Variants in BPNT2 observed in about 807,000 individuals in gnomAD.
BPNT2 encodes 3'(2'), 5'-bisphosphate nucleotidase 2, also known as Golgi-resident adenosine 3',5'-bisphosphate 3'-phosphatase.
Under a neutral mutation model 29.3 loss-of-function variants are expected in BPNT2, and 11 were observed. The observed-to-expected ratio is 0.38, with a 90% CI of 0.24 to 0.62. The LOEUF (loss-of-function observed/expected upper bound fraction) is 0.62, where lower values mean the gene tolerates loss of function less well. Among genes scored for constraint, BPNT2 ranks in the 20% least tolerant of loss-of-function variants. The pLI, the probability that BPNT2 is intolerant of heterozygous loss-of-function variation, is 0.62. For synonymous variants in BPNT2, 195 were observed against 187.7 expected (o/e 1.04, Z -0.32); for missense variants, 459 against 473.4 (o/e 0.97, Z 0.28).
Position 56,978,274 on chromosome 8 carries a change from C to T in BPNT2, c.551-129G>A, listed in dbSNP as rs990443795. On this transcript the variant is annotated intron_variant, in intron 2 of 4. Coordinates refer to ENST00000262644, the MANE Select transcript of BPNT2 (RefSeq NM_017813.5). ...AAATATCTTTCCAAAACAACAATCC[C>T]TTCAAGCAAACAGAGTCTGAGGGCA... is the stretch of plus-strand genomic sequence containing the variant. 14 of 715,418 alleles carry T rather than the reference C, an allele frequency of 2.0e-5. No individual in the cohort carries two copies. In the South Asian group the frequency reaches 2.1e-4, roughly 11 times the overall value. The allele number at this position is 715,418 out of a possible 1,614,324, so 44.3% of individuals were successfully genotyped here. A position where few individuals can be genotyped will look rare whatever the true frequency, so the allele number is the denominator to read the frequency against.
At chr8:56,982,222 C>T (rs948331147) in intron 1 of BPNT2, among the ~76,000 whole-genome samples, 1 of 150,258 alleles carries the variant, frequency 6.7e-6, no homozygotes, top group Non-Finnish European at 1.5e-5. Context: ...TTTCCGGGTT[C>T]GAGTGATTCT....
intron 4 of BPNT2, among the ~76,000 whole-genome samples, chr8:56,965,018 C>T (rs181427447): frequency 8.2e-4 from 125 of 152,154 alleles, no homozygotes; most frequent in African/African-American, 2.8e-3. Flanking sequence ...AATTATTAGG[C>T]ATAAAAGTTA....
At chr8:56,987,837 T>TC (rs1324797614) in intron 1 of BPNT2, among the ~76,000 whole-genome samples, 1 of 151,538 alleles carries the variant, frequency 6.6e-6, no homozygotes, top group Non-Finnish European at 1.5e-5. Flanking sequence ...CAAGCCATTC[T>TC]CCTGCCTCAA....
At chr8:56,985,409 A>C (rs1332935805) in intron 1 of BPNT2, among the ~76,000 whole-genome samples, 3 of 152,148 alleles carry the variant, frequency 2.0e-5, no homozygotes, top group Non-Finnish European at 4.4e-5. Flanking sequence ...AAGCATAAGA[A>C]ATCAACCCAA....
At chr8:56,972,213 T>G (rs1249603714) in intron 3 of BPNT2, among the ~76,000 whole-genome samples, 1 of 151,914 alleles carries the variant, frequency 6.6e-6, no homozygotes, top group African/African-American at 2.4e-5. Flanking sequence ...TTTTTCATAG[T>G]GTTTAGTACA....
At chr8:56,971,285 AAAG>A (rs1806025978) in intron 3 of BPNT2, among the ~76,000 whole-genome samples, 2 of 151,746 alleles carry the variant, frequency 1.3e-5, no homozygotes, top group South Asian at 4.2e-4. Flanking sequence ...AAAAAAAAAA[AAAG>A]CCCAGTAGGA....
At chr8:56,979,989 A>C in intron 2 of BPNT2, 46 bp downstream of exon 2, 1 of 1,582,480 alleles carries the variant, frequency 6.3e-7, no homozygotes, top group Non-Finnish European at 8.7e-7. Flanking sequence ...CTGGTTCTCT[A>C]CTACTAAACG....
In BPNT2 at chr8:56,961,468, T is replaced by C. The variant is rs1160099098; in HGVS notation, c.*2325A>G. On this transcript the variant is annotated 3_prime_UTR_variant, in exon 5 of 5. Transcript: ENST00000262644. ...ATTAGTAACTAGACTATACCCAACATATTATAAAAATAATGTATTTAACTC... is the reference window on the plus strand; with the variant it reads ...ATTAGTAACTAGACTATACCCAACACATTATAAAAATAATGTATTTAACTC... 2 of 151,732 alleles carry C rather than the reference T, an allele frequency of 1.3e-5. No homozygotes were observed. The highest frequency in any genetic ancestry group is 4.8e-5 in the African/African-American group (2 of 41,414). The allele number at this position is 151,732 out of a possible 1,614,324, so 9.4% of individuals were successfully genotyped here.
Position 56,963,683 on chromosome 8 carries a change from A to C in BPNT2, c.*110T>G. 8.0e-7 allele frequency: 1 copy of C among 1,249,796 alleles called. No individual in the cohort carries two copies. The highest frequency in any genetic ancestry group is 1.2e-6 in the Non-Finnish European group (1 of 865,366). The allele number at this position is 1,249,796 out of a possible 1,614,324, so 77.4% of individuals were successfully genotyped here. On this transcript the variant is annotated 3_prime_UTR_variant, in exon 5 of 5. Coordinates refer to ENST00000262644, the MANE Select transcript of BPNT2 (RefSeq NM_017813.5). ...CTGATGCTTCATAAATACTTTAAAA[A>C]GTTCGGGATGGCCTTAACCATGCAT... is the stretch of plus-strand genomic sequence containing the variant.
rs1033986413 is a variant in BPNT2 at position 56,993,606 on chromosome 8, C to T, written c.-21G>A. 5 of 1,411,030 alleles carry T rather than the reference C, an allele frequency of 3.5e-6. No individual in the cohort carries two copies. The highest frequency in any genetic ancestry group is 4.6e-6 in the Non-Finnish European group (5 of 1,077,206). The allele number at this position is 1,411,030 out of a possible 1,614,324, so 87.4% of individuals were successfully genotyped here. A position where few individuals can be genotyped will look rare whatever the true frequency, so the allele number is the denominator to read the frequency against. On this transcript the variant is annotated 5_prime_UTR_variant, in exon 1 of 5. Transcript: ENST00000262644. ...GCCATGGCGTGGGAAGCCGGGCGCT[C>T]CGGGCTGCGGCTCTCACAGGCCTCC... is the stretch of plus-strand genomic sequence containing the variant.
Position 56,993,520 on chromosome 8 carries a change from G to T in BPNT2, c.66C>A (p.Gly22=). The T allele has an allele frequency of 6.7e-7, 1 of 1,496,912 alleles. No homozygotes were observed. 92.7% of individuals were successfully genotyped at this position (1,496,912 alleles called of 1,614,324 possible). The change falls in exon 1 of 5, where the codon GGC becomes GGA. Residue 22 remains glycine, a synonymous_variant. Coordinates refer to ENST00000262644, the MANE Select transcript of BPNT2 (RefSeq NM_017813.5). The part of the protein sequence containing the change: ...GVAVFCLLGL[G]VLYHLYSGFL... ...AGCCCGAGTAGAGGTGGTAGAGCAC[G>T]CCGAGCCCCAGCAGGCAAAACACTG... is the stretch of plus-strand genomic sequence containing the variant.
intron 3 of BPNT2, among the ~76,000 whole-genome samples, chr8:56,971,021 ATAT>A (rs1213131330): frequency 1.3e-5 from 2 of 152,240 alleles, no homozygotes; most frequent in South Asian, 2.1e-4. Flanking sequence ...GAGAATAAAA[ATAT>A]TATAGCATAT....
At chr8:56,991,787 C>T (rs1402642629) in intron 1 of BPNT2, among the ~76,000 whole-genome samples, 1 of 152,130 alleles carries the variant, frequency 6.6e-6, no homozygotes, top group Non-Finnish European at 1.5e-5. Flanking sequence ...CTCTGAATCT[C>T]CTGTTTCCTC....
rs183163476 is a variant in BPNT2 at position 56,992,142 on chromosome 8, A to G, written c.387+1057T>C. ...CTGGAAGAAGCCTTATGCAAAATAC[A>G]TAACTAAACAATGACAATATTCTCC... On this transcript the variant is annotated intron_variant, in intron 1 of 4. Transcript: ENST00000262644. 5.5e-3 allele frequency among the ~76,000 whole-genome samples: 842 copies of G among 152,340 alleles called. 6 individuals carry two copies. The highest frequency in any genetic ancestry group is 0.019 in the African/African-American group (773 of 41,570).
chr8:56,958,762 T>C lies in BPNT2; in HGVS notation c.*5031A>G, dbSNP rs191990553. Reference sequence around the variant, plus strand: ...AAAAACCAGCCCTAGCAGTGCCCTGTCATCATGGCAGAGCACTGTCTCTTC... The same window carrying C: ...AAAAACCAGCCCTAGCAGTGCCCTGCCATCATGGCAGAGCACTGTCTCTTC... On this transcript the variant is annotated 3_prime_UTR_variant, in exon 5 of 5. Transcript: ENST00000262644. The C allele has an allele frequency of 5.3e-5, 8 of 152,310 alleles. No individual in the cohort carries two copies. Among genetic ancestry groups the C allele is most frequent in the Admixed American group, 3.9e-4 (6 of 15,298 alleles). 9.4% of individuals were successfully genotyped at this position (152,310 alleles called of 1,614,324 possible). A position where few individuals can be genotyped will look rare whatever the true frequency, so the allele number is the denominator to read the frequency against.
At chr8:56,973,611 T>C (rs1435317495) in intron 3 of BPNT2, among the ~76,000 whole-genome samples, 3 of 152,146 alleles carry the variant, frequency 2.0e-5, no homozygotes, top group South Asian at 4.1e-4. Flanking sequence ...CTTGGAGACA[T>C]TCAAGAGTGA....
rs781670511 is a variant in BPNT2 at position 56,993,337 on chromosome 8, G to C, written c.249C>G (p.Arg83=). Residue 83 remains arginine, a synonymous_variant, in exon 1 of 5, where the codon CGC becomes CGG. Transcript: ENST00000262644. ...AAVRGGDEVR[R]VRESNVLHEK... ...CGTGGAGGACGTTGCTCTCGCGGAC[G>C]CGCCTCACCTCGTCGCCGCCGCGGA... is the stretch of plus-strand genomic sequence containing the variant. 1 of 1,611,404 alleles carries C rather than the reference G, an allele frequency of 6.2e-7. No homozygotes were observed. The highest frequency in any genetic ancestry group is 2.2e-5 in the East Asian group (1 of 44,818).
Position 56,961,546 on chromosome 8 carries a change from A to G in BPNT2, c.*2247T>C, listed in dbSNP as rs1023503713. 2 of 152,220 alleles carry G rather than the reference A, an allele frequency of 1.3e-5. No homozygotes were observed. The highest frequency in any genetic ancestry group is 2.9e-5 in the Non-Finnish European group (2 of 68,040). The allele number at this position is 152,220 out of a possible 1,614,324, so 9.4% of individuals were successfully genotyped here. ...AACACACACCCTTCACAAAGTCATT[A>G]TCTAGATGCAGATTAATACAATTAA... On this transcript the variant is annotated 3_prime_UTR_variant, in exon 5 of 5. Transcript: ENST00000262644.
chr8:56,980,198 C>A lies in BPNT2; in HGVS notation c.388-1G>T. 1 of 1,612,954 alleles carries A rather than the reference C, an allele frequency of 6.2e-7. No individual in the cohort carries two copies. Among genetic ancestry groups the A allele is most frequent in the Non-Finnish European group, 8.5e-7 (1 of 1,179,140 alleles). On this transcript the variant is annotated splice_acceptor_variant, in intron 1 of 4. Coordinates refer to ENST00000262644, the MANE Select transcript of BPNT2 (RefSeq NM_017813.5). LOFTEE classifies it high-confidence loss of function. The stretch of plus-strand genomic sequence containing the variant: ...CATCCACGTGTTCCTCAGTATTAAT[C>A]TGCATTAAAAACAGGTGACAGTTAA...
Sources: gnomAD v4.1 joint callset for allele counts (sites outside exome capture counted in the v4.1 genomes callset) on GRCh38, gnomAD v4.1.1 for gene constraint, MANE v1.5 for transcripts, NCBI Gene and HGNC (gene_info 2026-07-23, HGNC 2026-07-21) for gene names.